Variants in SERPINI1 observed in about 807,000 individuals in gnomAD.
SERPINI1 encodes the protein neuroserpin.
SERPINI1 carries 19 observed loss-of-function variants against 41.1 expected under a neutral mutation model. That is an observed-to-expected ratio of 0.46 (90% CI 0.32 to 0.68). The LOEUF (loss-of-function observed/expected upper bound fraction) is 0.68, where lower values mean the gene tolerates loss of function less well. Ranked by LOEUF, SERPINI1 falls within the 30% of genes least tolerant of loss-of-function variation. SERPINI1 has a pLI of 0.03. For synonymous variants in SERPINI1, 138 were observed against 156.6 expected (o/e 0.88, Z 0.89); for missense variants, 460 against 479.2 (o/e 0.96, Z 0.37).
At chr3:167,800,790 T>C (rs1727873756) in intron 5 of SERPINI1, among the ~76,000 whole-genome samples, 1 of 129,304 alleles carries the variant, frequency 7.7e-6, no homozygotes, top group South Asian at 2.3e-4. Context: ...TTTTTTGTTG[T>C]TGCTGTTTTG....
intron 1 of SERPINI1, among the ~76,000 whole-genome samples, chr3:167,740,270 A>G (rs1478337391): frequency 6.6e-6 from 1 of 152,102 alleles, no homozygotes; most frequent in Non-Finnish European, 1.5e-5. Context: ...ACCTCAAACA[A>G]TTCTCTCACC....
At chr3:167,750,873 A>G (rs1726021916) in intron 1 of SERPINI1, among the ~76,000 whole-genome samples, 1 of 152,162 alleles carries the variant, frequency 6.6e-6, no homozygotes, top group Non-Finnish European at 1.5e-5. Context: ...TTTACTTCAC[A>G]GTATTTGTAT....
At chr3:167,776,669 G>A (rs1256742737) in intron 1 of SERPINI1, among the ~76,000 whole-genome samples, 1 of 152,214 alleles carries the variant, frequency 6.6e-6, no homozygotes, top group Non-Finnish European at 1.5e-5. Flanking sequence ...AGCTGTGTCT[G>A]CACTGTTTAA....
chr3:167,816,860 A>G (rs2108572099), intron 6 of SERPINI1, among the ~76,000 whole-genome samples: 1 of 152,254 alleles, frequency 6.6e-6, no homozygotes, highest in Non-Finnish European at 1.5e-5. Flanking sequence ...CTAGGGAAAC[A>G]AAGATACAGA....
intron 5 of SERPINI1, among the ~76,000 whole-genome samples, chr3:167,797,060 G>A (rs1200112135): frequency 6.6e-6 from 1 of 152,130 alleles, no homozygotes; most frequent in Non-Finnish European, 1.5e-5. Context: ...ATTCTGACTG[G>A]CATGAGATGG....
At position 167,794,603 on chromosome 3, in the gene SERPINI1, C is replaced by A. The variant is rs747748011; in HGVS notation, c.677-17C>A. On this transcript the variant is annotated splice_polypyrimidine_tract_variant and intron_variant, in intron 4 of 8. Coordinates refer to ENST00000446050, the MANE Select transcript of SERPINI1 (RefSeq NM_001122752.2). ...AGCTTTGATAGGCATCTTTTATGGC[C>A]TTTATTTTCTTTTTAGGGGAATTTA... 4.3e-6 allele frequency: 7 copies of A among 1,610,646 alleles called. No homozygotes were observed. The South Asian group carries it at 7.7e-5, about 18-fold the overall frequency.
chr3:167,792,329 T>G (rs1560009742), intron 3 of SERPINI1, among the ~76,000 whole-genome samples: 1 of 140,778 alleles, frequency 7.1e-6, no homozygotes, highest in Non-Finnish European at 1.5e-5. Flanking sequence ...TTAATTTCTT[T>G]TTTATATATA....
chr3:167,814,359 G>A (rs1261949389), intron 6 of SERPINI1, among the ~76,000 whole-genome samples: 3 of 152,112 alleles, frequency 2.0e-5, no homozygotes, highest in Admixed American at 6.5e-5. Context: ...ATCCAGAAAA[G>A]CAAACAAAGA....
intron 1 of SERPINI1, among the ~76,000 whole-genome samples, chr3:167,737,284 A>G (rs1559990408): frequency 2.6e-5 from 4 of 152,144 alleles, no homozygotes; most frequent in Admixed American, 6.5e-5. Context: ...GATAGATCAT[A>G]GAAAAACAGC....
Position 167,818,000 on chromosome 3 carries a change from A to T in SERPINI1, c.980-4986A>T, listed in dbSNP as rs554986192. ...AAAAAAGAACAAATACTTTTTTAGG[A>T]TAGATGGAAATATTTTGGTTGTTTG... On this transcript the variant is annotated intron_variant, in intron 6 of 8. Transcript: ENST00000446050. 2.0e-5 allele frequency among the ~76,000 whole-genome samples: 3 copies of T among 149,406 alleles called. No homozygotes were observed. In the South Asian group the frequency reaches 6.3e-4, roughly 31 times the overall value.
rs114369479 is a variant in SERPINI1, at chr3:167,760,640, T to A, written c.-19+24817T>A. Among the ~76,000 whole-genome samples, 352 of 151,660 alleles carry A rather than the reference T, an allele frequency of 2.3e-3. 2 individuals are homozygous for A. Among genetic ancestry groups the A allele is most frequent in the African/African-American group, 7.1e-3 (295 of 41,380 alleles). ...ACTGTGTTACAGCACTTAACCTGTT[T>A]AAACGCTATGGGTTGTTTAAGTGGA... On this transcript the variant is annotated intron_variant, in intron 1 of 8. Transcript: ENST00000446050.
intron 5 of SERPINI1, among the ~76,000 whole-genome samples, chr3:167,806,330 AG>A (rs544466316): frequency 6.6e-6 from 1 of 150,920 alleles, no homozygotes; most frequent in Non-Finnish European, 1.5e-5. Context: ...CTGAGGGGGT[AG>A]GGGGGCAAGG....
intron 5 of SERPINI1, among the ~76,000 whole-genome samples, chr3:167,799,672 A>T (rs1448131132): frequency 6.6e-6 from 1 of 152,292 alleles, no homozygotes; most frequent in East Asian, 1.9e-4. Context: ...GTGTAAAAGC[A>T]TTACTATTTC....
chr3:167,750,003 G>T (rs1725994128), intron 1 of SERPINI1, among the ~76,000 whole-genome samples: 2 of 152,066 alleles, frequency 1.3e-5, no homozygotes, highest in Admixed American at 6.6e-5. Context: ...TGACCTTCAG[G>T]CATAAGAAAG....
chr3:167,799,950 A>C (rs1216200355), intron 5 of SERPINI1: 3 of 152,164 alleles, frequency 2.0e-5, no homozygotes, highest in Non-Finnish European at 4.4e-5. Context: ...AAAATATATA[A>C]AATGCTGTCT....
At chr3:167,811,157 T>G (rs933390724) in intron 6 of SERPINI1, among the ~76,000 whole-genome samples, 10 of 151,480 alleles carry the variant, frequency 6.6e-5, no homozygotes, top group African/African-American at 2.4e-4. Context: ...TATTTTGATC[T>G]CCTTCCATGA....
chr3:167,793,596 A>ATATATATATATATATATATT, intron 4 of SERPINI1, among the ~76,000 whole-genome samples: 2 of 140,604 alleles, frequency 1.4e-5, no homozygotes, highest in African/African-American at 5.5e-5. Context: ...ATATATATAT[A>ATATATATATATATATATATT]TTTTTAATTA....
chr3:167,776,853 A>G (rs1726983158), intron 1 of SERPINI1, among the ~76,000 whole-genome samples: 1 of 152,254 alleles, frequency 6.6e-6, no homozygotes, highest in Admixed American at 6.5e-5. Context: ...GTGTTAGACA[A>G]CACTGGCAAA....
rs190989438 is a variant in SERPINI1, at chr3:167,777,795, A to G, written c.-18-11316A>G. ...TGTTACAGTTTGAATGTGCCCTCCA[A>G]AAGTTTACGTGTTGGAAACTTGATT... On this transcript the variant is annotated intron_variant, in intron 1 of 8. Transcript: ENST00000446050. 1.9e-3 allele frequency among the ~76,000 whole-genome samples: 296 copies of G among 152,342 alleles called. 1 individual carries two copies. The highest frequency in any genetic ancestry group is 7.0e-3 in the African/African-American group (292 of 41,576).
Sources: gnomAD v4.1 joint callset for allele counts (sites outside exome capture counted in the v4.1 genomes callset) on GRCh38, gnomAD v4.1.1 for gene constraint, MANE v1.5 for transcripts, NCBI Gene and HGNC (gene_info 2026-07-23, HGNC 2026-07-21) for gene names.